RBFOX3: variants seen among roughly 807,000 people sequenced by gnomAD.
The protein encoded by RBFOX3 is RNA binding fox-1 homolog 3, also known as RNA binding protein fox-1 homolog 3.
A neutral mutation model predicts 48.7 loss-of-function variants in RBFOX3; 17 were observed. That is an observed-to-expected ratio of 0.35 (90% CI 0.24 to 0.52). RBFOX3 has a LOEUF of 0.52. Among genes scored for constraint, RBFOX3 ranks in the 20% least tolerant of loss-of-function variants. RBFOX3 has a pLI of 0.94. For synonymous variants in RBFOX3, 212 were observed against 209.5 expected (o/e 1.01, Z -0.10); for missense variants, 382 against 497.5 (o/e 0.77, Z 2.21).
chr17:79,452,994 C>T (rs1400845990), intron 2 of RBFOX3, among the ~76,000 whole-genome samples: 1 of 152,216 alleles, frequency 6.6e-6, no homozygotes, highest in Non-Finnish European at 1.5e-5. Flanking sequence ...GAGCACATGG[C>T]TTCATCTCTC....
At chr17:79,503,871 C>T (rs1311717053) in intron 1 of RBFOX3, among the ~76,000 whole-genome samples, 1 of 152,200 alleles carries the variant, frequency 6.6e-6, no homozygotes, top group African/African-American at 2.4e-5. Context: ...GGGTGCAGAG[C>T]TCACAGGGGC....
intron 2 of RBFOX3, among the ~76,000 whole-genome samples, chr17:79,341,565 T>A (rs1200392198): frequency 1.3e-5 from 2 of 152,042 alleles, no homozygotes; most frequent in Non-Finnish European, 2.9e-5. Context: ...TGGCTGGGGC[T>A]GGGGCACGGC....
intron 4 of RBFOX3, among the ~76,000 whole-genome samples, chr17:79,143,994 C>T (rs1033358205): frequency 5.9e-5 from 9 of 152,224 alleles, no homozygotes; most frequent in East Asian, 1.9e-4. Context: ...CCTGCTTGGC[C>T]GGTGCCTGGA....
intron 1 of RBFOX3, among the ~76,000 whole-genome samples, chr17:79,549,456 G>A (rs539446827): frequency 6.6e-6 from 1 of 152,394 alleles, no homozygotes; most frequent in Admixed American, 6.5e-5. Flanking sequence ...AGGCGGCAAA[G>A]CTAATGTTTC....
At chr17:79,139,642 G>A (rs747017665) in intron 4 of RBFOX3, among the ~76,000 whole-genome samples, 8 of 152,214 alleles carry the variant, frequency 5.3e-5, no homozygotes, top group Non-Finnish European at 1.0e-4. Context: ...GGGTGGGCAC[G>A]TGGCTGTGAT....
intron 2 of RBFOX3, among the ~76,000 whole-genome samples, chr17:79,343,098 C>G (rs2082352434): frequency 6.6e-6 from 1 of 152,180 alleles, no homozygotes; most frequent in African/African-American, 2.4e-5. Flanking sequence ...CAATCAATAA[C>G]AATCCAGCCA....
At chr17:79,579,406 CT>C (rs1334210840) in intron 1 of RBFOX3, among the ~76,000 whole-genome samples, 1 of 152,198 alleles carries the variant, frequency 6.6e-6, no homozygotes, top group Non-Finnish European at 1.5e-5. Context: ...CGCTTTTGGC[CT>C]TGATATTCAC....
At chr17:79,626,934 CAT>C in the RBFOX3 span, among the ~76,000 whole-genome samples, 21 of 152,226 alleles carry the variant, frequency 1.4e-4, no homozygotes, top group Admixed American at 9.2e-4. Flanking sequence ...TGCTCAGCCT[CAT>C]GTATGTCTTA....
chr17:79,168,508 C>T (rs1203154159), intron 4 of RBFOX3, among the ~76,000 whole-genome samples: 3 of 152,268 alleles, frequency 2.0e-5, no homozygotes, highest in Non-Finnish European at 4.4e-5. Flanking sequence ...GCCCCACGGC[C>T]GCCCTATGTC....
intron 2 of RBFOX3, among the ~76,000 whole-genome samples, chr17:79,314,425 TGGTGGGATAGGCA>T (rs1490079248): frequency 1.3e-5 from 2 of 151,922 alleles, no homozygotes; most frequent in African/African-American, 2.4e-5. Context: ...CATACGGAGC[TGGTGGGATAGGCA>T]GGTGCAGATG....
chr17:79,144,118 TGTC>T (rs1429762773), intron 4 of RBFOX3, among the ~76,000 whole-genome samples: 1 of 152,080 alleles, frequency 6.6e-6, no homozygotes, highest in Non-Finnish European at 1.5e-5. Context: ...CTGCAGAGGA[TGTC>T]GTGTGTGGGT....
At chr17:79,278,955 T>C (rs1281435429) in intron 3 of RBFOX3, among the ~76,000 whole-genome samples, 2 of 152,122 alleles carry the variant, frequency 1.3e-5, no homozygotes, top group South Asian at 2.1e-4. Flanking sequence ...GCCTCTGTCA[T>C]CCCACTTACA....
intron 2 of RBFOX3, among the ~76,000 whole-genome samples, chr17:79,370,426 ATACACATG>A (rs1443937909): frequency 1.2e-4 from 19 of 152,288 alleles, no homozygotes; most frequent in African/African-American, 4.3e-4. Context: ...ACATGCTCAC[ATACACATG>A]CACACACCCT....
intron 2 of RBFOX3, among the ~76,000 whole-genome samples, chr17:79,371,001 A>AG (rs35150577): frequency 0.97 from 147,330 of 151,994 alleles, 71,564 homozygotes; most frequent in East Asian, 1. Context: ...CTCCCCCGGT[A>AG]GGGGGTTAGG....
At chr17:79,388,004 G>A (rs1328199447) in intron 2 of RBFOX3, among the ~76,000 whole-genome samples, 5 of 76,410 alleles carry the variant, frequency 6.5e-5, no homozygotes, top group South Asian at 6.9e-4. Context: ...ATGTGTACGT[G>A]TGTGTGTGTG....
intron 1 of RBFOX3, among the ~76,000 whole-genome samples, chr17:79,494,760 C>T (rs367844649): frequency 6.6e-6 from 1 of 152,102 alleles, no homozygotes; most frequent in Non-Finnish European, 1.5e-5. Flanking sequence ...AAGTGAGGCC[C>T]GTCAAGGACT....
At chr17:79,145,082 T>A (rs2042746947) in intron 4 of RBFOX3, among the ~76,000 whole-genome samples, 1 of 152,150 alleles carries the variant, frequency 6.6e-6, no homozygotes, top group Admixed American at 6.5e-5. Context: ...TGCGGGGTCC[T>A]TAGTCGCTGC....
chr17:79,317,627 C>A (rs2077720394), intron 2 of RBFOX3, among the ~76,000 whole-genome samples: 1 of 152,210 alleles, frequency 6.6e-6, no homozygotes, highest in Non-Finnish European at 1.5e-5. Flanking sequence ...TCAAAGGGGA[C>A]AAACACAGAC....
intron 1 of RBFOX3, among the ~76,000 whole-genome samples, chr17:79,500,080 G>A (rs1030488166): frequency 6.6e-6 from 1 of 152,012 alleles, no homozygotes; most frequent in Non-Finnish European, 1.5e-5. Flanking sequence ...CATTGCCATG[G>A]TTGGCTCCCT....
Sources: allele counts gnomAD v4.1 joint callset (sites outside exome capture counted in the v4.1 genomes callset), GRCh38; gene constraint gnomAD v4.1.1; transcripts MANE v1.5; gene names NCBI Gene and HGNC (gene_info 2026-07-23, HGNC 2026-07-21).